PCDHGB2: variants seen among roughly 807,000 people sequenced by gnomAD.
The protein encoded by PCDHGB2 is protocadherin gamma subfamily B, 2, also known as protocadherin gamma-B2.
A neutral mutation model predicts 59.3 loss-of-function variants in PCDHGB2; 55 were observed. The observed-to-expected ratio is 0.93, with a 90% CI of 0.75 to 1.16. PCDHGB2 has a LOEUF of 1.16. Among genes scored for constraint, PCDHGB2 ranks in the 50% most tolerant of loss-of-function variants. The probability of loss-of-function intolerance (pLI) is 0.00; values close to 1 mark genes in which losing one functional copy is unlikely to be tolerated. For missense variants in PCDHGB2, 1,228 were observed against 1,198.5 expected, an observed-to-expected ratio of 1.02 and a Z score of -0.36; for synonymous variants, 516 against 512.0, an observed-to-expected ratio of 1.01 and a Z score of -0.11.
intron 2 of PCDHGB2, among the ~76,000 whole-genome samples, chr5:141,503,324 C>T (rs1389385473): frequency 7.9e-5 from 12 of 152,014 alleles, no homozygotes; most frequent in South Asian, 2.1e-4. Context: ...TGGAGGGGCG[C>T]GGTGGCTCAC....
At chr5:141,364,551 T>A in intron 1 of PCDHGB2, 1 of 1,614,076 alleles carries the variant, frequency 6.2e-7, no homozygotes, top group South Asian at 1.1e-5. Context: ...AGGACGCAGC[T>A]TTTTGCCCTG....
chr5:141,423,440 C>T lies in PCDHGB2; in HGVS notation c.2421+60884C>T, dbSNP rs768389351. 27 of 1,613,852 alleles carry T rather than the reference C, an allele frequency of 1.7e-5. No individual in the cohort carries two copies. In the East Asian group the frequency reaches 4.5e-4, roughly 27 times the overall value. ...GAAGGCGGGTTGGCAGGTATGCCCACGTCACATTTTGTAGGCGTGGACGGG... is the reference window on the plus strand; with the variant it reads ...GAAGGCGGGTTGGCAGGTATGCCCATGTCACATTTTGTAGGCGTGGACGGG... On this transcript the variant is annotated intron_variant, in intron 1 of 3. Coordinates refer to ENST00000522605, the MANE Select transcript of PCDHGB2 (RefSeq NM_018923.3).
chr5:141,431,016 C>T lies in PCDHGB2; in HGVS notation c.2422-63791C>T, dbSNP rs755015257. Reference sequence around the variant, plus strand: ...AATCCGCGCAGCGGCAGCTTGGTCACGGCGGGCAGGATAGACCGGGAGGAG... The same window carrying T: ...AATCCGCGCAGCGGCAGCTTGGTCATGGCGGGCAGGATAGACCGGGAGGAG... On this transcript the variant is annotated intron_variant, in intron 1 of 3. Transcript: ENST00000522605. This position sits in a 1 kb window ranked among gnomAD's most constrained non-coding sequence, Gnocchi z 4.8. 3 of 1,613,456 alleles carry T rather than the reference C, an allele frequency of 1.9e-6. No individual in the cohort carries two copies. The highest frequency in any genetic ancestry group is 2.2e-5 in the South Asian group (2 of 91,058).
chr5:141,376,447 C>T (rs777597745), intron 1 of PCDHGB2: 83 of 1,614,064 alleles, frequency 5.1e-5, no homozygotes, highest in Admixed American at 1.3e-4. Context: ...ATGAGAAAAG[C>T]GAGCCTCTTC....
chr5:141,372,860 A>T (rs1224709282), intron 1 of PCDHGB2: 1 of 1,419,644 alleles, frequency 7.0e-7, no homozygotes, highest in African/African-American at 1.4e-5. Context: ...GTTTCAATTC[A>T]TTGATTTAGA....
At chr5:141,404,812 GC>G in intron 1 of PCDHGB2, 1 of 1,611,168 alleles carries the variant, frequency 6.2e-7, no homozygotes, top group African/African-American at 1.4e-5. Context: ...TCTCGGTGGG[GC>G]TGCACACAGG....
At chr5:141,374,037 C>G (rs1770042713) in intron 1 of PCDHGB2, 8 of 1,446,082 alleles carry the variant, frequency 5.5e-6, no homozygotes, top group Non-Finnish European at 7.3e-6. Context: ...TGATGCAGAT[C>G]TGTTCTTCCT....
chr5:141,374,993 T>G (rs1439480761), intron 1 of PCDHGB2: 1 of 1,613,938 alleles, frequency 6.2e-7, no homozygotes, highest in Non-Finnish European at 8.5e-7. Flanking sequence ...AATTTCAACT[T>G]CTGCAAATCT....
chr5:141,360,247 C>G lies in PCDHGB2; in HGVS notation c.112C>G (p.Pro38Ala), dbSNP rs762222973. Residue 38 changes from proline to alanine, a missense_variant, in exon 1 of 4, where the codon CCA becomes GCA. Coordinates refer to ENST00000522605, the MANE Select transcript of PCDHGB2 (RefSeq NM_018923.3). ...ALPVQIRYSI[P>A]EELAKNSVVG... ...CCCAGTCCAGATCCGCTATTCAATT[C>G]CAGAGGAGCTGGCCAAAAACTCGGT... is the stretch of plus-strand genomic sequence containing the variant. 2 of 1,613,916 alleles carry G rather than the reference C, an allele frequency of 1.2e-6. No homozygotes were observed. Among genetic ancestry groups the G allele is most frequent in the Non-Finnish European group, 1.7e-6 (2 of 1,179,862 alleles).
Position 141,390,867 on chromosome 5 carries a change from C to T in PCDHGB2, c.2421+28311C>T, listed in dbSNP as rs370388746. On this transcript the variant is annotated intron_variant, in intron 1 of 3. Transcript: ENST00000522605. Reference sequence around the variant, plus strand: ...TTATATGCAGTGTACGCTGTGTGTGCGTGTGTGTGTGTGTGTGTGTGAGAG... The same window carrying T: ...TTATATGCAGTGTACGCTGTGTGTGTGTGTGTGTGTGTGTGTGTGTGAGAG... The T allele has an allele frequency of 2.6e-4, 39 of 151,156 alleles. No homozygotes were observed. In the South Asian group the frequency reaches 4.4e-3, roughly 17 times the overall value. 9.4% of individuals were successfully genotyped at this position (151,156 alleles called of 1,614,324 possible).
At chr5:141,383,607 T>C in intron 1 of PCDHGB2, 1 of 1,613,780 alleles carries the variant, frequency 6.2e-7, no homozygotes, top group South Asian at 1.1e-5. Flanking sequence ...TGGATGTGAA[T>C]GACCACACGC....
chr5:141,481,167 A>C (rs77180710), intron 1 of PCDHGB2, among the ~76,000 whole-genome samples: 2,577 of 152,328 alleles, frequency 0.017, 78 homozygotes, highest in African/African-American at 0.059. Flanking sequence ...GCAGAACCAG[A>C]ATCCAGCTTT....
At chr5:141,452,370 G>A (rs2098739834) in intron 1 of PCDHGB2, among the ~76,000 whole-genome samples, 1 of 152,136 alleles carries the variant, frequency 6.6e-6, no homozygotes, top group Non-Finnish European at 1.5e-5. Flanking sequence ...CTTCATTTTA[G>A]TAGGGAATAG....
chr5:141,403,895 T>C, intron 1 of PCDHGB2: 1 of 1,613,884 alleles, frequency 6.2e-7, no homozygotes, highest in Non-Finnish European at 8.5e-7. Context: ...ATGTTCATTT[T>C]ATGAAATGGA....
chr5:141,419,618 C>T (rs746617593), intron 1 of PCDHGB2: 3 of 1,612,326 alleles, frequency 1.9e-6, no homozygotes, highest in South Asian at 1.1e-5. Flanking sequence ...GCCAGGCTAC[C>T]TGGTGACCAA....
rs1285016518 is a variant in PCDHGB2 at position 141,361,824 on chromosome 5, G to C, written c.1689G>C (p.Leu563=). ...TCAATGACAATGCGCCACGGGTGCTGTACCCCGCGCTGGGGCCTGATGGCT... is the reference window on the plus strand; with the variant it reads ...TCAATGACAATGCGCCACGGGTGCTCTACCCCGCGCTGGGGCCTGATGGCT... ...GDLNDNAPRV[L]YPALGPDGSA... Residue 563 remains leucine, a synonymous_variant, in exon 1 of 4, where the codon CTG becomes CTC. Coordinates refer to ENST00000522605, the MANE Select transcript of PCDHGB2 (RefSeq NM_018923.3). 2 of 1,612,886 alleles carry C rather than the reference G, an allele frequency of 1.2e-6. No homozygotes were observed. Among genetic ancestry groups the C allele is most frequent in the Non-Finnish European group, 1.7e-6 (2 of 1,179,744 alleles).
chr5:141,391,648 C>T (rs760508987), intron 1 of PCDHGB2: 4 of 152,210 alleles, frequency 2.6e-5, no homozygotes, highest in Non-Finnish European at 5.9e-5. Context: ...AAAAAACTAT[C>T]ATACCAGTCT....
chr5:141,367,552 A>ATAAATAAG (rs1765229761), intron 1 of PCDHGB2: 1 of 147,664 alleles, frequency 6.8e-6, no homozygotes, highest in South Asian at 2.1e-4. Context: ...AAATAAATAA[A>ATAAATAAG]TAAATAAATA....
rs752837336 is a variant in PCDHGB2 at position 141,371,945 on chromosome 5, G to A, written c.2421+9389G>A. On this transcript the variant is annotated intron_variant, in intron 1 of 3. Transcript: ENST00000522605. ...CGCGGAGCGGGGTGGTGTTCGCGCAGCGAGCCTTCGACCACGAGCAGCTGC... is the reference window on the plus strand; with the variant it reads ...CGCGGAGCGGGGTGGTGTTCGCGCAACGAGCCTTCGACCACGAGCAGCTGC... 6 of 1,613,298 alleles carry A rather than the reference G, an allele frequency of 3.7e-6. No homozygotes were observed. In the Admixed American group the frequency reaches 5.0e-5, roughly 13 times the overall value.
Sources: allele counts gnomAD v4.1 joint callset (sites outside exome capture counted in the v4.1 genomes callset), GRCh38; gene constraint gnomAD v4.1.1; non-coding constraint Gnocchi (gnomAD v3.1); transcripts MANE v1.5; gene names NCBI Gene and HGNC (gene_info 2026-07-23, HGNC 2026-07-21).